Variants in CLMN observed in about 807,000 individuals in gnomAD.
CLMN encodes the protein calmin (calponin-like, transmembrane).
CLMN carries 57 observed loss-of-function variants against 92.7 expected under a neutral mutation model. The ratio of observed to expected loss-of-function variants is 0.61; its 90% confidence interval spans 0.50 to 0.77. The LOEUF (loss-of-function observed/expected upper bound fraction) is 0.77, where lower values mean the gene tolerates loss of function less well. Ranked by LOEUF, CLMN falls within the 30% of genes least tolerant of loss-of-function variation. The probability of loss-of-function intolerance (pLI) is 0.00; values close to 1 mark genes in which losing one functional copy is unlikely to be tolerated. For synonymous variants in CLMN, 466 were observed against 470.6 expected, an observed-to-expected ratio of 0.99 and a Z score of 0.13; for missense variants, 1,158 against 1,237.5, an observed-to-expected ratio of 0.94 and a Z score of 0.96.
At chr14:95,236,032 C>G (rs917761408) in intron 1 of CLMN, among the ~76,000 whole-genome samples, 1 of 152,186 alleles carries the variant, frequency 6.6e-6, no homozygotes, top group South Asian at 2.1e-4. Flanking sequence ...CCCTGCCAAC[C>G]GGGGCAGTGA....
In CLMN at chr14:95,186,616, G is replaced by A. The variant is rs1896447359; in HGVS notation, c.*4948C>T. 6.6e-6 allele frequency: 1 copy of A among 152,272 alleles called. No homozygotes were observed. The highest frequency in any genetic ancestry group is 2.1e-4 in the South Asian group (1 of 4,838). The allele number at this position is 152,272 out of a possible 1,614,324, so 9.4% of individuals were successfully genotyped here. ...CGTCTCGCTCTGTCACTCAGGTGGA[G>A]TAAAATAGCAGGATCATAGCTCACA... On this transcript the variant is annotated 3_prime_UTR_variant, in exon 13 of 13. Coordinates refer to ENST00000298912, the MANE Select transcript of CLMN (RefSeq NM_024734.4).
chr14:95,211,907 A>G (rs1897209996), intron 6 of CLMN, among the ~76,000 whole-genome samples: 1 of 152,220 alleles, frequency 6.6e-6, no homozygotes, highest in Admixed American at 6.5e-5. Context: ...GGTGGTGTAC[A>G]GATTAATGTA....
chr14:95,211,393 C>T (rs747158766), intron 6 of CLMN, among the ~76,000 whole-genome samples: 17 of 152,078 alleles, frequency 1.1e-4, no homozygotes, highest in Non-Finnish European at 5.9e-5. Flanking sequence ...ATAGGGTCAA[C>T]CTAATATACA....
intron 2 of CLMN, among the ~76,000 whole-genome samples, chr14:95,226,796 C>G (rs1897725363): frequency 6.6e-6 from 1 of 152,178 alleles, no homozygotes; most frequent in Admixed American, 6.5e-5. Flanking sequence ...AGGCTGGTCT[C>G]AAATTCCTGG....
chr14:95,247,037 G>T (rs1374606881), intron 1 of CLMN, among the ~76,000 whole-genome samples: 1 of 152,186 alleles, frequency 6.6e-6, no homozygotes, highest in Non-Finnish European at 1.5e-5. Context: ...TAATGTCAGT[G>T]ACATCACCAG....
chr14:95,309,236 G>A (rs1194369244), intron 1 of CLMN, among the ~76,000 whole-genome samples: 1 of 152,174 alleles, frequency 6.6e-6, no homozygotes, highest in Non-Finnish European at 1.5e-5. Context: ...GTCGGAAACT[G>A]TCTATAAACC....
At position 95,196,630 on chromosome 14, in the gene CLMN, G is replaced by C. The variant is rs2140562340; in HGVS notation, c.2576C>G (p.Ser859Ter). The change falls in exon 10 of 13, where the codon TCA (serine) becomes TGA (stop). Residue 859 changes from serine to a stop codon, truncating the protein, a stop_gained. Transcript: ENST00000298912. LOFTEE classifies it high-confidence loss of function. ...TTTTTCCTTTTTTTTACTACTGATT[G>C]ATTCTTTCGTTACATTTTCTTCTAG... ...NPLEENVTKE[S>*]ISSKKKEKRK... is the part of the protein sequence containing the mutation. The C allele has an allele frequency of 6.2e-7, 1 of 1,613,976 alleles. No individual in the cohort carries two copies. Among genetic ancestry groups the C allele is most frequent in the South Asian group, 1.1e-5 (1 of 91,066 alleles).
At chr14:95,210,320 G>A (rs1431560567) in intron 7 of CLMN, among the ~76,000 whole-genome samples, 1 of 151,758 alleles carries the variant, frequency 6.6e-6, no homozygotes, top group Non-Finnish European at 1.5e-5. Context: ...CCAAAGTGCT[G>A]GGATTATAGG....
intron 6 of CLMN, among the ~76,000 whole-genome samples, chr14:95,212,457 C>G (rs962455613): frequency 6.6e-5 from 10 of 152,216 alleles, no homozygotes; most frequent in African/African-American, 2.4e-4. Context: ...GCTAAAATCA[C>G]TCTGCTGCCG....
intron 1 of CLMN, among the ~76,000 whole-genome samples, chr14:95,263,760 G>A (rs1440507690): frequency 1.3e-5 from 2 of 152,228 alleles, no homozygotes; most frequent in Non-Finnish European, 2.9e-5. Context: ...TTTGTAAGTT[G>A]TGCCTCAATT....
intron 1 of CLMN, among the ~76,000 whole-genome samples, chr14:95,316,104 C>T (rs887084138): frequency 1.3e-5 from 2 of 152,202 alleles, no homozygotes; most frequent in East Asian, 1.9e-4. Flanking sequence ...GCCTGTCTTT[C>T]GAAGGACACC....
rs1899608648 is a variant in CLMN at position 95,269,195 on chromosome 14, A to G, written c.83-39062T>C. On this transcript the variant is annotated intron_variant, in intron 1 of 12. Coordinates refer to ENST00000298912, the MANE Select transcript of CLMN (RefSeq NM_024734.4). The stretch of plus-strand genomic sequence containing the variant: ...ATCCACCAAGACGTTAATCAAATAT[A>G]TGCCTGTGCTTATATTTAGTTTTAA... 2.0e-5 allele frequency among the ~76,000 whole-genome samples: 3 copies of G among 152,164 alleles called. No individual in the cohort carries two copies. In the South Asian group the frequency reaches 6.2e-4, roughly 31 times the overall value.
At chr14:95,234,792 G>C (rs1281914506) in intron 1 of CLMN, among the ~76,000 whole-genome samples, 1 of 152,174 alleles carries the variant, frequency 6.6e-6, no homozygotes, top group Non-Finnish European at 1.5e-5. Context: ...ATGGGAGGTG[G>C]GACATTCCTC....
rs1475807571 is a variant in CLMN at position 95,275,539 on chromosome 14, C to T, written c.82+44172G>A. Among the ~76,000 whole-genome samples the T allele has an allele frequency of 2.6e-5, 4 of 152,302 alleles. No homozygotes were observed. In the East Asian group the frequency reaches 7.7e-4, roughly 29 times the overall value. On this transcript the variant is annotated intron_variant, in intron 1 of 12. Coordinates refer to ENST00000298912, the MANE Select transcript of CLMN (RefSeq NM_024734.4). ...GGAAAACTCAGTTCCAGAAACTGCC[C>T]ACCCTTTCCTGAAAACTCATAAATA...
intron 3 of CLMN, chr14:95,222,533 C>T (rs578151321): frequency 4.7e-4 from 212 of 454,820 alleles, no homozygotes; most frequent in African/African-American, 4.6e-4. Context: ...CTGTTCTTGG[C>T]TGGGCTCCAG....
intron 1 of CLMN, among the ~76,000 whole-genome samples, chr14:95,236,250 C>T (rs1049652488): frequency 2.6e-5 from 4 of 152,224 alleles, no homozygotes; most frequent in Non-Finnish European, 5.9e-5. Flanking sequence ...CTGTGTGGTG[C>T]ACCTCCCACT....
Position 95,185,123 on chromosome 14 carries a change from G to A in CLMN, c.*6441C>T, listed in dbSNP as rs1346202701. The A allele has an allele frequency of 1.3e-5, 2 of 152,092 alleles. No homozygotes were observed. The highest frequency in any genetic ancestry group is 6.6e-5 in the Admixed American group (1 of 15,258). The allele number at this position is 152,092 out of a possible 1,614,324, so 9.4% of individuals were successfully genotyped here. On this transcript the variant is annotated 3_prime_UTR_variant, in exon 13 of 13. Coordinates refer to ENST00000298912, the MANE Select transcript of CLMN (RefSeq NM_024734.4). ...GCTGTCTCTTAAAAAAAAAATCAGAGTGAAGAGGGCAGGTGCTCACGTGGA... is the reference window on the plus strand; with the variant it reads ...GCTGTCTCTTAAAAAAAAAATCAGAATGAAGAGGGCAGGTGCTCACGTGGA...
chr14:95,200,694 G>C (rs889760297), intron 9 of CLMN, among the ~76,000 whole-genome samples: 1 of 152,198 alleles, frequency 6.6e-6, no homozygotes, highest in Non-Finnish European at 1.5e-5. Flanking sequence ...CAGATGAAGT[G>C]GGAACACAAG....
chr14:95,204,710 T>C (rs564059576), intron 8 of CLMN, among the ~76,000 whole-genome samples: 5 of 152,272 alleles, frequency 3.3e-5, no homozygotes, highest in African/African-American at 1.2e-4. Flanking sequence ...AAATATAAAA[T>C]ACCATGTTTT....
Sources: allele counts gnomAD v4.1 joint callset (sites outside exome capture counted in the v4.1 genomes callset), GRCh38; gene constraint gnomAD v4.1.1; transcripts MANE v1.5; gene names NCBI Gene and HGNC (gene_info 2026-07-23, HGNC 2026-07-21).